Variants in PCCA observed in about 807,000 individuals in gnomAD.
PCCA encodes propionyl-CoA carboxylase alpha chain, mitochondrial.
A neutral mutation model predicts 101.3 loss-of-function variants in PCCA; 74 were observed. That is an observed-to-expected ratio of 0.73 (90% CI 0.61 to 0.89). The LOEUF is 0.89. Among genes scored for constraint, PCCA ranks in the 40% least tolerant of loss-of-function variants. The pLI, the probability that PCCA is intolerant of heterozygous loss-of-function variation, is 0.00. For missense variants in PCCA, 891 were observed against 907.0 expected (o/e 0.98, Z 0.23); for synonymous variants, 294 against 313.6 (o/e 0.94, Z 0.66).
intron 6 of PCCA, among the ~76,000 whole-genome samples, chr13:100,175,088 T>C (rs1471432321): frequency 6.6e-6 from 1 of 152,208 alleles, no homozygotes; most frequent in Non-Finnish European, 1.5e-5. Flanking sequence ...TCCTTGCTTA[T>C]GTAAGTCAGA....
intron 1 of PCCA, among the ~76,000 whole-genome samples, chr13:100,098,602 A>G (rs1355527457): frequency 6.6e-6 from 1 of 152,188 alleles, no homozygotes; most frequent in Non-Finnish European, 1.5e-5. Flanking sequence ...AGTTGTCAAC[A>G]CAGCAGTTAG....
chr13:100,529,148 C>G (rs756453268), intron 23 of PCCA, among the ~76,000 whole-genome samples: 1 of 152,130 alleles, frequency 6.6e-6, no homozygotes, highest in East Asian at 1.9e-4. Context: ...AGAAGTGGCC[C>G]GAAGCCCCCG....
At chr13:100,108,976 G>A (rs373879731) in intron 2 of PCCA, among the ~76,000 whole-genome samples, 11 of 152,234 alleles carry the variant, frequency 7.2e-5, no homozygotes, top group South Asian at 6.2e-4. Context: ...GGTTTTATGC[G>A]CTAATTGGTA....
intron 4 of PCCA, among the ~76,000 whole-genome samples, chr13:100,123,774 T>G (rs1441156946): frequency 6.6e-6 from 1 of 152,168 alleles, no homozygotes; most frequent in Non-Finnish European, 1.5e-5. Context: ...GGAATACATT[T>G]GTTAGATTTT....
intron 18 of PCCA, among the ~76,000 whole-genome samples, chr13:100,364,718 C>T (rs2074993493): frequency 6.6e-6 from 1 of 152,170 alleles, no homozygotes; most frequent in African/African-American, 2.4e-5. Flanking sequence ...ACAGTGAAGC[C>T]TTTTTCCTAT....
intron 12 of PCCA, among the ~76,000 whole-genome samples, chr13:100,296,542 G>A (rs958911614): frequency 7.9e-5 from 12 of 151,954 alleles, no homozygotes; most frequent in South Asian, 6.2e-4. Flanking sequence ...GTGAGCCACC[G>A]TACCCTGACG....
chr13:100,445,571 T>C (rs1345290510), intron 20 of PCCA, among the ~76,000 whole-genome samples: 1 of 152,150 alleles, frequency 6.6e-6, no homozygotes, highest in African/African-American at 2.4e-5. Context: ...TTTTGATTAA[T>C]ATTTCCTCAA....
rs1457628007 is a variant in PCCA at position 100,268,932 on chromosome 13, C to G, written c.914+149C>G. ...TGGTGCAATCACGGCTCACTGCAGC[C>G]TCCACCTCCCAGGCTCAAGTGATCC... is the stretch of plus-strand genomic sequence containing the variant. On this transcript the variant is annotated intron_variant, in intron 11 of 23. Transcript: ENST00000376285. 1.7e-5 allele frequency: 12 copies of G among 704,592 alleles called. No individual in the cohort carries two copies. In the Admixed American group the frequency reaches 2.0e-4, roughly 12 times the overall value. 43.6% of individuals were successfully genotyped at this position (704,592 alleles called of 1,614,324 possible). A position where few individuals can be genotyped will look rare whatever the true frequency, so the allele number is the denominator to read the frequency against.
In PCCA at chr13:100,223,380, G is replaced by A. The variant is rs145223453; in HGVS notation, c.601-12462G>A. Among the ~76,000 whole-genome samples the A allele has an allele frequency of 2.2e-3, 335 of 152,110 alleles. 8 individuals carry two copies. In the East Asian group the frequency reaches 0.06, roughly 27 times the overall value. Reference sequence around the variant, plus strand: ...GGAGTTTCTTCCTTCTGGTGGGTTCGTGGTCTTGCTGGCTCAGGAGTGAAG... The same window carrying A: ...GGAGTTTCTTCCTTCTGGTGGGTTCATGGTCTTGCTGGCTCAGGAGTGAAG... On this transcript the variant is annotated intron_variant, in intron 7 of 23. Transcript: ENST00000376285.
intron 19 of PCCA, among the ~76,000 whole-genome samples, chr13:100,407,119 A>AT (rs1183823340): frequency 6.6e-6 from 1 of 152,254 alleles, no homozygotes; most frequent in African/African-American, 2.4e-5. Flanking sequence ...AACAACCTTA[A>AT]TTATGATTAA....
intron 8 of PCCA, among the ~76,000 whole-genome samples, chr13:100,244,913 A>G (rs971243832): frequency 6.9e-6 from 1 of 145,344 alleles, no homozygotes; most frequent in African/African-American, 2.6e-5. Context: ...TATGTGTATG[A>G]CAGACTGAGG....
chr13:100,152,174 A>G (rs73570955), intron 4 of PCCA, among the ~76,000 whole-genome samples: 3,584 of 152,248 alleles, frequency 0.024, 148 homozygotes, highest in African/African-American at 0.082. Context: ...CCTGGGCTAG[A>G]CTGTGGGCTT....
chr13:100,499,876 CTT>C (rs148642584), intron 21 of PCCA, among the ~76,000 whole-genome samples: 3,129 of 151,574 alleles, frequency 0.021, 117 homozygotes, highest in African/African-American at 0.07. Flanking sequence ...TTGCTTGAGA[CTT>C]TTTTTGGAGG....
intron 21 of PCCA, chr13:100,491,819 CT>C (rs1175554314): frequency 9.7e-6 from 10 of 1,025,986 alleles, no homozygotes; most frequent in Admixed American, 9.0e-5. Flanking sequence ...ATTTTGGTCC[CT>C]TTTTTTCTCT....
At chr13:100,247,670 C>G (rs1009637019) in intron 8 of PCCA, among the ~76,000 whole-genome samples, 4 of 151,906 alleles carry the variant, frequency 2.6e-5, no homozygotes, top group Non-Finnish European at 5.9e-5. Flanking sequence ...CCTGCCACCA[C>G]ACCTGGCTAA....
chr13:100,488,397 T>A (rs887198908), intron 21 of PCCA, among the ~76,000 whole-genome samples: 5 of 152,160 alleles, frequency 3.3e-5, no homozygotes, highest in Admixed American at 3.3e-4. Flanking sequence ...CCCTATATAT[T>A]TTTTAAAAGC....
At chr13:100,093,757 A>T (rs1453550302) in intron 1 of PCCA, among the ~76,000 whole-genome samples, 1 of 151,932 alleles carries the variant, frequency 6.6e-6, no homozygotes, top group Non-Finnish European at 1.5e-5. Context: ...ACCCCCGGCT[A>T]TCTCTACAAA....
chr13:100,433,501 CT>C (rs1356458703), intron 20 of PCCA, among the ~76,000 whole-genome samples: 1 of 151,822 alleles, frequency 6.6e-6, no homozygotes, highest in Non-Finnish European at 1.5e-5. Context: ...TTTCTTAGAG[CT>C]GTTTTTTTTT....
At chr13:100,292,772 T>C (rs770280408) in intron 12 of PCCA, among the ~76,000 whole-genome samples, 37 of 152,288 alleles carry the variant, frequency 2.4e-4, no homozygotes, top group Non-Finnish European at 4.4e-4. Context: ...TTTAAAGAGA[T>C]CTCCTTTCTG....
Sources: gnomAD v4.1 joint callset for allele counts (sites outside exome capture counted in the v4.1 genomes callset) on GRCh38, gnomAD v4.1.1 for gene constraint, MANE v1.5 for transcripts, NCBI Gene and HGNC (gene_info 2026-07-23, HGNC 2026-07-21) for gene names.